SIPA1L3: variants seen among roughly 807,000 people sequenced by gnomAD.
The protein encoded by SIPA1L3 is signal induced proliferation associated 1 like 3, also known as signal-induced proliferation-associated 1-like protein 3.
SIPA1L3 carries 59 observed loss-of-function variants against 150.1 expected under a neutral mutation model. The ratio of observed to expected loss-of-function variants is 0.39; its 90% CI spans 0.32 to 0.49. SIPA1L3 has a LOEUF of 0.49. Ranked by LOEUF, SIPA1L3 falls within the 20% of genes least tolerant of loss-of-function variation. The pLI is 0.86. For missense variants in SIPA1L3, 2,211 were observed against 2,489.5 expected (o/e 0.89, Z 2.38); for synonymous variants, 1,070 against 1,077.6 (o/e 0.99, Z 0.14).
intron 2 of SIPA1L3, among the ~76,000 whole-genome samples, chr19:38,062,718 T>C (rs1486014604): frequency 6.6e-6 from 1 of 152,032 alleles, no homozygotes; most frequent in Non-Finnish European, 1.5e-5. Flanking sequence ...CCTCACGGGC[T>C]CAAGCGGTTC....
intron 11 of SIPA1L3, among the ~76,000 whole-genome samples, chr19:38,142,164 G>A (rs749199219): frequency 2.0e-5 from 3 of 151,940 alleles, no homozygotes; most frequent in Admixed American, 1.3e-4. Flanking sequence ...TTATGATGAT[G>A]ACAAATATAA....
rs76713987 is a variant in SIPA1L3 at position 37,947,722 on chromosome 19, G to A, written c.-379+40364G>A. ...AGCACAAAGAGGTGTCGTTTCTTGC[G>A]TGACATTTCACAGCTTGGATGGGGC... is the stretch of plus-strand genomic sequence containing the variant. On this transcript the variant is annotated intron_variant, in intron 1 of 21. Coordinates refer to ENST00000222345, the MANE Select transcript of SIPA1L3 (RefSeq NM_015073.3). Among the ~76,000 whole-genome samples the A allele has an allele frequency of 1.6e-3, 239 of 152,260 alleles. No individual in the cohort carries two copies. In the East Asian group the frequency reaches 0.037, roughly 24 times the overall value.
intron 2 of SIPA1L3, among the ~76,000 whole-genome samples, chr19:38,079,357 A>C (rs1404242906): frequency 2.6e-5 from 4 of 152,202 alleles, no homozygotes; most frequent in Non-Finnish European, 5.9e-5. Flanking sequence ...CTGGGAATGC[A>C]TCAGTGAACA....
intron 1 of SIPA1L3, among the ~76,000 whole-genome samples, chr19:37,950,464 C>T (rs911844421): frequency 3.3e-5 from 5 of 152,078 alleles, no homozygotes; most frequent in South Asian, 2.1e-4. Context: ...TCTTCATCTG[C>T]GTAGTAAGGA....
At chr19:38,109,804 T>C (rs1970699259) in intron 7 of SIPA1L3, 1 of 167,032 alleles carries the variant, frequency 6.0e-6, no homozygotes, top group Non-Finnish European at 1.3e-5. Flanking sequence ...AAGCCATCTC[T>C]GCTGAGTGTC....
intron 10 of SIPA1L3, among the ~76,000 whole-genome samples, chr19:38,140,189 GA>G (rs993881192): frequency 1.3e-5 from 2 of 152,200 alleles, no homozygotes; most frequent in African/African-American, 2.4e-5. Context: ...AGGCTCCTCT[GA>G]GCTCAGCTCT....
chr19:38,128,323 CTA>C (rs1408710801), intron 9 of SIPA1L3, among the ~76,000 whole-genome samples: 1 of 152,066 alleles, frequency 6.6e-6, no homozygotes, highest in Admixed American at 6.6e-5. Flanking sequence ...AAAGATAAGA[CTA>C]TTTTATGAAG....
chr19:37,983,970 A>G (rs1967271643), intron 1 of SIPA1L3, among the ~76,000 whole-genome samples: 1 of 151,868 alleles, frequency 6.6e-6, no homozygotes, highest in African/African-American at 2.4e-5. Context: ...AACCCTGATC[A>G]GTAAGCTTGC....
At chr19:38,087,241 G>T (rs186358891) in intron 3 of SIPA1L3, among the ~76,000 whole-genome samples, 12 of 152,354 alleles carry the variant, frequency 7.9e-5, no homozygotes, top group Middle Eastern at 3.4e-3. Flanking sequence ...CAAGGAGCTA[G>T]ATATGCATTG....
intron 4 of SIPA1L3, among the ~76,000 whole-genome samples, chr19:38,092,527 T>C (rs1255429264): frequency 1.3e-5 from 2 of 152,188 alleles, no homozygotes; most frequent in Non-Finnish European, 2.9e-5. Flanking sequence ...CCCGTCCACT[T>C]CCCACCCCCA....
chr19:37,985,802 G>A (rs1021874290), intron 1 of SIPA1L3, among the ~76,000 whole-genome samples: 34 of 152,158 alleles, frequency 2.2e-4, no homozygotes, highest in Non-Finnish European at 4.3e-4. Context: ...CCCAGAGGCC[G>A]GGCCCCTCCC....
chr19:38,112,365 G>A (rs771223818), intron 8 of SIPA1L3, among the ~76,000 whole-genome samples: 1 of 152,226 alleles, frequency 6.6e-6, no homozygotes, highest in South Asian at 2.1e-4. Context: ...ATGCATCAGA[G>A]GTGGAGGGTT....
intron 10 of SIPA1L3, among the ~76,000 whole-genome samples, chr19:38,131,357 G>A (rs1971302176): frequency 6.6e-6 from 1 of 152,216 alleles, no homozygotes; most frequent in Non-Finnish European, 1.5e-5. Context: ...CCACAGGGAG[G>A]CAGCCATGTG....
intron 2 of SIPA1L3, among the ~76,000 whole-genome samples, chr19:38,068,020 ATT>A (rs35795522): frequency 0.12 from 16,899 of 135,658 alleles, 941 homozygotes; most frequent in Non-Finnish European, 0.15. Context: ...GAAAAATCAG[ATT>A]TTTTTTTTTT....
At chr19:37,914,923 A>G (rs2046403897) in intron 1 of SIPA1L3, among the ~76,000 whole-genome samples, 1 of 152,152 alleles carries the variant, frequency 6.6e-6, no homozygotes, top group Non-Finnish European at 1.5e-5. Flanking sequence ...CCAGTGAAGT[A>G]ATTAACTTGA....
At chr19:38,083,171 A>G in intron 3 of SIPA1L3, 72 bp downstream of exon 3, 2 of 1,391,146 alleles carry the variant, frequency 1.4e-6, no homozygotes, top group Non-Finnish European at 2.0e-6. Flanking sequence ...CTACTCATTC[A>G]TTCACTCTGT....
At chr19:38,099,021 C>A (rs1378290955) in intron 4 of SIPA1L3, among the ~76,000 whole-genome samples, 1 of 151,728 alleles carries the variant, frequency 6.6e-6, no homozygotes, top group Non-Finnish European at 1.5e-5. Context: ...CCTTTCTTTT[C>A]TTCTCTTCTC....
chr19:38,085,404 C>T (rs1383998551), intron 3 of SIPA1L3, among the ~76,000 whole-genome samples: 2 of 146,542 alleles, frequency 1.4e-5, no homozygotes, highest in African/African-American at 5.1e-5. Flanking sequence ...GGCATGAACC[C>T]GGGAGGCAGA....
chr19:38,049,092 C>A (rs1725459), intron 2 of SIPA1L3, among the ~76,000 whole-genome samples: 1,513 of 150,014 alleles, frequency 0.01, 24 homozygotes, highest in African/African-American at 0.035. Context: ...AAAAAAAAAG[C>A]GGGGGGTGGA....
Sources: gnomAD v4.1 joint callset for allele counts (sites outside exome capture counted in the v4.1 genomes callset) on GRCh38, gnomAD v4.1.1 for gene constraint, MANE v1.5 for transcripts, NCBI Gene and HGNC (gene_info 2026-07-23, HGNC 2026-07-21) for gene names.